Variants in SH3GL2 observed in about 807,000 individuals in gnomAD.
The protein encoded by SH3GL2 is endophilin-A1.
Under a neutral mutation model 46.0 loss-of-function variants are expected in SH3GL2, and 24 were observed. That is an observed-to-expected ratio of 0.52 (90% CI 0.38 to 0.73). SH3GL2 has a LOEUF of 0.73. Among genes scored for constraint, SH3GL2 ranks in the 30% least tolerant of loss-of-function variants. SH3GL2 has a pLI of 0.00. For missense variants in SH3GL2, 413 were observed against 424.2 expected (o/e 0.97, Z 0.23); for synonymous variants, 196 against 147.1 (o/e 1.33, Z -2.40).
At chr9:17,586,204 G>C (rs1818374426) in intron 1 of SH3GL2, among the ~76,000 whole-genome samples, 3 of 152,024 alleles carry the variant, frequency 2.0e-5, no homozygotes. Flanking sequence ...TGTTGTAGTT[G>C]CTCTACCCTA....
intron 1 of SH3GL2, among the ~76,000 whole-genome samples, chr9:17,628,719 T>C (rs963399343): frequency 6.6e-6 from 1 of 152,248 alleles, no homozygotes; most frequent in Admixed American, 6.5e-5. Context: ...GGTAGATTTT[T>C]TTCTAGCTCA....
intron 1 of SH3GL2, among the ~76,000 whole-genome samples, chr9:17,675,417 A>C (rs557560703): frequency 1.3e-5 from 2 of 152,346 alleles, no homozygotes; most frequent in East Asian, 3.9e-4. Context: ...TAAAGTTCAC[A>C]TAAAGCTAAA....
chr9:17,738,641 T>G lies in SH3GL2; in HGVS notation c.46-8425T>G, dbSNP rs7860493. Among the ~76,000 whole-genome samples, 67 of 88,876 alleles carry G rather than the reference T, an allele frequency of 7.5e-4. 2 individuals are homozygous for G. The highest frequency in any genetic ancestry group is 1.3e-3 in the Admixed American group (10 of 7,954). 58.3% of individuals were successfully genotyped at this position (88,876 alleles called of 152,430 possible). On this transcript the variant is annotated intron_variant, in intron 1 of 8. Transcript: ENST00000380607. The stretch of plus-strand genomic sequence containing the variant: ...TCATGTGATTTTATATATATATATA[T>G]AGAGAGAGAGAGAGAGAGAGAGAGA...
At chr9:17,582,125 A>G (rs1333696882) in intron 1 of SH3GL2, among the ~76,000 whole-genome samples, 1 of 152,214 alleles carries the variant, frequency 6.6e-6, no homozygotes, top group Non-Finnish European at 1.5e-5. Context: ...ATGTGTCACA[A>G]CTGTTGTCTT....
chr9:17,709,680 T>TACACACACACACAC (rs3837228), intron 1 of SH3GL2, among the ~76,000 whole-genome samples: 2,210 of 148,246 alleles, frequency 0.015, 56 homozygotes, highest in African/African-American at 0.052. Flanking sequence ...TTATTTGTAT[T>TACACACACACACAC]ACACACACAC....
At chr9:17,733,319 A>C (rs1366089278) in intron 1 of SH3GL2, among the ~76,000 whole-genome samples, 1 of 151,712 alleles carries the variant, frequency 6.6e-6, no homozygotes, top group East Asian at 1.9e-4. Flanking sequence ...GTACATGTGC[A>C]CAATGTGCAG....
intron 1 of SH3GL2, among the ~76,000 whole-genome samples, chr9:17,643,633 G>A (rs1363695715): frequency 6.6e-6 from 1 of 152,108 alleles, no homozygotes; most frequent in Non-Finnish European, 1.5e-5. Flanking sequence ...GATGGATTAC[G>A]CTTATTGATT....
intron 2 of SH3GL2, among the ~76,000 whole-genome samples, chr9:17,759,387 T>A (rs1339391020): frequency 2.0e-5 from 3 of 152,190 alleles, no homozygotes; most frequent in African/African-American, 7.2e-5. Flanking sequence ...AGCCCCATCT[T>A]AGGGAGGGAA....
chr9:17,717,220 C>G (rs1821784831), intron 1 of SH3GL2, among the ~76,000 whole-genome samples: 1 of 152,156 alleles, frequency 6.6e-6, no homozygotes, highest in Admixed American at 6.5e-5. Context: ...GCATAAATCG[C>G]TTTCTGTACA....
intron 1 of SH3GL2, among the ~76,000 whole-genome samples, chr9:17,745,907 C>A (rs889191383): frequency 6.6e-6 from 1 of 152,060 alleles, no homozygotes; most frequent in Non-Finnish European, 1.5e-5. Context: ...ACAGTGACAA[C>A]TTAGGGAAAA....
chr9:17,774,134 G>A (rs1483181926), intron 3 of SH3GL2, among the ~76,000 whole-genome samples: 1 of 152,020 alleles, frequency 6.6e-6, no homozygotes, highest in Non-Finnish European at 1.5e-5. Context: ...ACTGATTTTT[G>A]TGTGTTGACT....
At chr9:17,703,077 C>T (rs1487937023) in intron 1 of SH3GL2, among the ~76,000 whole-genome samples, 1 of 152,008 alleles carries the variant, frequency 6.6e-6, no homozygotes, top group East Asian at 1.9e-4. Context: ...ACACATCAGA[C>T]ATTGTCAGGA....
chr9:17,776,668 C>T (rs376744995), intron 3 of SH3GL2, among the ~76,000 whole-genome samples: 10 of 147,498 alleles, frequency 6.8e-5, no homozygotes, highest in African/African-American at 2.0e-4. Flanking sequence ...AATGTCCCAT[C>T]TTTTTTTTTT....
chr9:17,779,381 A>G (rs1220142569), intron 3 of SH3GL2, among the ~76,000 whole-genome samples: 2 of 152,188 alleles, frequency 1.3e-5, no homozygotes, highest in East Asian at 1.9e-4. Flanking sequence ...AATGGGAAAG[A>G]GAATGGGTTT....
intron 1 of SH3GL2, among the ~76,000 whole-genome samples, chr9:17,645,381 AATATTCTT>A (rs1346860040): frequency 1.3e-5 from 2 of 152,106 alleles, no homozygotes; most frequent in East Asian, 3.9e-4. Flanking sequence ...ATTTAAGGTT[AATATTCTT>A]ATGTGTGAAT....
intron 1 of SH3GL2, among the ~76,000 whole-genome samples, chr9:17,721,466 A>T (rs1435339443): frequency 6.6e-6 from 1 of 152,130 alleles, no homozygotes. Flanking sequence ...TAACTTTACT[A>T]CATATAATAA....
At position 17,761,461 on chromosome 9, in the gene SH3GL2, G is replaced by A; in HGVS notation, c.139G>A (p.Val47Met). Residue 47 changes from valine to methionine, a missense_variant, in exon 3 of 9, where the codon GTG becomes ATG. Val to Met is a conservative substitution (Grantham distance 21). Transcript: ENST00000380607. Reference protein sequence around the residue: ...ERKVDVTSRAVMEIMTKTIEY... With the variant: ...ERKVDVTSRAMMEIMTKTIEY... ...GAAAGTGGATGTCACCAGCAGGGCT[G>A]TGATGGAAATAATGACTAAAACAAT... is the stretch of plus-strand genomic sequence containing the variant. The A allele has an allele frequency of 1.9e-6, 3 of 1,608,448 alleles. No individual in the cohort carries two copies. The highest frequency in any genetic ancestry group is 1.1e-5 in the South Asian group (1 of 90,982).
At chr9:17,580,387 A>G (rs1818255482) in intron 1 of SH3GL2, among the ~76,000 whole-genome samples, 1 of 152,164 alleles carries the variant, frequency 6.6e-6, no homozygotes, top group Non-Finnish European at 1.5e-5. Flanking sequence ...CCACATCCAG[A>G]AAAGGTGAGG....
intron 1 of SH3GL2, among the ~76,000 whole-genome samples, chr9:17,627,448 C>G (rs1250074565): frequency 6.6e-6 from 1 of 152,120 alleles, no homozygotes; most frequent in African/African-American, 2.4e-5. Flanking sequence ...GAAACTGTGA[C>G]CTTCTTGGCT....
Sources: gnomAD v4.1 joint callset for allele counts (sites outside exome capture counted in the v4.1 genomes callset) on GRCh38, gnomAD v4.1.1 for gene constraint, MANE v1.5 for transcripts, NCBI Gene and HGNC (gene_info 2026-07-23, HGNC 2026-07-21) for gene names.